Variants in FOCAD observed in about 807,000 individuals in gnomAD.
FOCAD encodes KIAA1797.
Under a neutral mutation model 225.6 loss-of-function variants are expected in FOCAD, and 198 were observed. That is an observed-to-expected ratio of 0.88 (90% CI 0.78 to 0.99). The LOEUF (loss-of-function observed/expected upper bound fraction) is 0.99. Among genes scored for constraint, FOCAD ranks in the 50% least tolerant of loss-of-function variants. FOCAD has a pLI of 0.00. For missense variants in FOCAD, 2,713 were observed against 2,123.6 expected (o/e 1.28, Z -5.46); for synonymous variants, 897 against 755.0 (o/e 1.19, Z -3.08).
At chr9:20,952,249 A>G (rs919730314) in intron 34 of FOCAD, among the ~76,000 whole-genome samples, 3 of 152,186 alleles carry the variant, frequency 2.0e-5, no homozygotes, top group African/African-American at 7.2e-5. Flanking sequence ...ATCAGGTACT[A>G]GTGAATCATC....
At chr9:20,837,793 C>A (rs1449832193) in intron 15 of FOCAD, among the ~76,000 whole-genome samples, 1 of 152,006 alleles carries the variant, frequency 6.6e-6, no homozygotes, top group Non-Finnish European at 1.5e-5. Flanking sequence ...GGCTTAAACT[C>A]GTTTCTGTGC....
chr9:20,813,253 A>G (rs567847854), intron 11 of FOCAD, among the ~76,000 whole-genome samples: 3 of 152,306 alleles, frequency 2.0e-5, no homozygotes, highest in African/African-American at 7.2e-5. Context: ...GTGTTTATCC[A>G]TTCATCCCGG....
chr9:20,682,432 C>T (rs1301166823), upstream of FOCAD, among the ~76,000 whole-genome samples: 1 of 152,156 alleles, frequency 6.6e-6, no homozygotes, highest in East Asian at 1.9e-4. Flanking sequence ...TGACCTTGGT[C>T]AAGATGCTTC....
intron 15 of FOCAD, among the ~76,000 whole-genome samples, chr9:20,837,494 A>C (rs570707957): frequency 6.6e-6 from 1 of 152,102 alleles, no homozygotes; most frequent in African/African-American, 2.4e-5. Flanking sequence ...GTGCTGTTCT[A>C]CCATTCCAGT....
At chr9:20,753,805 C>T (rs181021927) in intron 5 of FOCAD, among the ~76,000 whole-genome samples, 118 of 150,222 alleles carry the variant, frequency 7.9e-4, no homozygotes, top group Non-Finnish European at 1.5e-3. Flanking sequence ...ATAATAATAA[C>T]GATGATAATG....
intron 21 of FOCAD, among the ~76,000 whole-genome samples, chr9:20,897,817 C>T (rs1422069453): frequency 6.6e-6 from 1 of 151,752 alleles, no homozygotes; most frequent in African/African-American, 2.4e-5. Context: ...TTCATGTTCA[C>T]TTATCCCTCC....
chr9:20,689,497 C>T (rs1822853956), intron 1 of FOCAD, among the ~76,000 whole-genome samples: 1 of 152,096 alleles, frequency 6.6e-6, no homozygotes, highest in Non-Finnish European at 1.5e-5. Flanking sequence ...TCTTCTGGGC[C>T]TTGGGACTTG....
chr9:20,732,443 C>A (rs1826792993), intron 4 of FOCAD, among the ~76,000 whole-genome samples: 2 of 152,078 alleles, frequency 1.3e-5, no homozygotes, highest in Admixed American at 6.6e-5. Flanking sequence ...AGGAGATTGG[C>A]TGTTAAGATG....
chr9:20,823,240 T>C lies in FOCAD; in HGVS notation c.1920+125T>C, dbSNP rs530899283. 1.3e-4 allele frequency: 151 copies of C among 1,154,164 alleles called. 1 individual carries two copies. In the African/African-American group the frequency reaches 2.1e-3, roughly 16 times the overall value. The allele number at this position is 1,154,164 out of a possible 1,614,324, so 71.5% of individuals were successfully genotyped here. A position where few individuals can be genotyped will look rare whatever the true frequency, so the allele number is the denominator to read the frequency against. ...GAGTGTTCATTCCCAGTGAATTTTT[T>C]CTTGGAAAAGTGAAGCAAGACCTAC... On this transcript the variant is annotated intron_variant, in intron 15 of 43. Transcript: ENST00000338382.
At chr9:20,780,666 A>G (rs1395831776) in intron 9 of FOCAD, among the ~76,000 whole-genome samples, 1 of 152,028 alleles carries the variant, frequency 6.6e-6, no homozygotes, top group African/African-American at 2.4e-5. Context: ...TACACTATGT[A>G]GTTGTTAACT....
intron 15 of FOCAD, 148 bp downstream of exon 15, chr9:20,823,263 T>A: frequency 2.3e-6 from 2 of 855,864 alleles, no homozygotes; most frequent in East Asian, 3.2e-5. Context: ...AAGCAAGACC[T>A]ACTTTACAAA....
chr9:20,736,688 T>A (rs1311754866), intron 4 of FOCAD, among the ~76,000 whole-genome samples: 2 of 152,156 alleles, frequency 1.3e-5, no homozygotes, highest in Non-Finnish European at 2.9e-5. Flanking sequence ...TTTTGAATTA[T>A]CCCAGCTTTT....
At chr9:20,888,490 C>T (rs1831319074) in intron 21 of FOCAD, among the ~76,000 whole-genome samples, 1 of 152,078 alleles carries the variant, frequency 6.6e-6, no homozygotes, top group South Asian at 2.1e-4. Flanking sequence ...TGAAGAATTT[C>T]AACTTACCAA....
Position 20,819,850 on chromosome 9 carries a change from A to C in FOCAD, c.1510A>C (p.Ile504Leu). The change falls in exon 12 of 44, where the codon ATA (isoleucine) becomes CTA (leucine). Residue 504 changes from isoleucine to leucine, a missense_variant. Ile to Leu is a conservative substitution (Grantham distance 5). Transcript: ENST00000338382. Reference sequence around the variant, plus strand: ...CAAATTGGGAAGACCACTGGAACCTATATTATATAATGATATATTGTATAC... The same window carrying C: ...CAAATTGGGAAGACCACTGGAACCTCTATTATATAATGATATATTGTATAC... Reference protein sequence around the residue: ...MFKLGRPLEPILYNDILYTLP... With the variant: ...MFKLGRPLEPLLYNDILYTLP... 1.3e-6 allele frequency: 2 copies of C among 1,549,382 alleles called. No homozygotes were observed. The highest frequency in any genetic ancestry group is 1.7e-6 in the Non-Finnish European group (2 of 1,150,508).
chr9:20,990,052 G>C (rs1424004070), intron 41 of FOCAD, 71 bp from the exon 42 acceptor site: 7 of 1,574,226 alleles, frequency 4.4e-6, no homozygotes, highest in Non-Finnish European at 5.2e-6. Context: ...GACAGGGGCT[G>C]TGTATGTGAA....
intron 19 of FOCAD, among the ~76,000 whole-genome samples, chr9:20,881,062 A>G (rs1830629005): frequency 1.3e-5 from 2 of 152,218 alleles, no homozygotes; most frequent in South Asian, 2.1e-4. Flanking sequence ...GAAAGAACAC[A>G]AGCAAAGATA....
intron 35 of FOCAD, among the ~76,000 whole-genome samples, chr9:20,969,749 T>TTTTATA (rs56300616): frequency 0.37 from 55,359 of 149,262 alleles, 10,548 homozygotes; most frequent in East Asian, 0.46. Flanking sequence ...ATATAATGGC[T>TTTTATA]TTTATATTTA....
intron 40 of FOCAD, 110 bp downstream of exon 40, chr9:20,986,575 C>A: frequency 1.1e-6 from 1 of 938,724 alleles, no homozygotes; most frequent in Middle Eastern, 3.4e-4. Flanking sequence ...CTTATTGACA[C>A]AGGTTAGGCC....
chr9:20,808,813 G>C (rs760339362), intron 11 of FOCAD, among the ~76,000 whole-genome samples: 6 of 152,106 alleles, frequency 3.9e-5, no homozygotes, highest in Admixed American at 6.5e-5. Context: ...CTACCTACTA[G>C]TTCTATGTCC....
Sources: allele counts gnomAD v4.1 joint callset (sites outside exome capture counted in the v4.1 genomes callset), GRCh38; gene constraint gnomAD v4.1.1; transcripts MANE v1.5; gene names NCBI Gene and HGNC (gene_info 2026-07-23, HGNC 2026-07-21).